Variants in CCSAP observed in about 807,000 individuals in gnomAD.
The protein encoded by CCSAP is centriole, cilia and spindle associated protein, also known as centriole, cilia and spindle-associated protein.
Under a neutral mutation model 25.9 loss-of-function variants are expected in CCSAP, and 17 were observed. The ratio of observed to expected loss-of-function variants is 0.66; its 90% CI spans 0.45 to 0.99. CCSAP has a LOEUF of 0.99. Among genes scored for constraint, CCSAP ranks in the 50% least tolerant of loss-of-function variants. CCSAP has a pLI of 0.00. For missense variants in CCSAP, 339 were observed against 367.8 expected (o/e 0.92, Z 0.64); for synonymous variants, 169 against 157.1 (o/e 1.08, Z -0.57).
intron 2 of CCSAP, among the ~76,000 whole-genome samples, chr1:229,334,474 C>T (rs966435160): frequency 6.6e-6 from 1 of 151,596 alleles, no homozygotes; most frequent in Non-Finnish European, 1.5e-5. Context: ...AAATTTATAG[C>T]CTGAAATGAA....
At chr1:229,326,628 C>T in intron 3 of CCSAP, 110 bp downstream of exon 3, 1 of 1,318,820 alleles carries the variant, frequency 7.6e-7, no homozygotes, top group South Asian at 1.4e-5. Flanking sequence ...TAAGATCTCC[C>T]ATGGGCCCAA....
intron 2 of CCSAP, among the ~76,000 whole-genome samples, chr1:229,338,785 A>C (rs1307231372): frequency 6.6e-6 from 1 of 152,160 alleles, no homozygotes; most frequent in African/African-American, 2.4e-5. Flanking sequence ...GTAAGATAAA[A>C]CCCTACATGC....
At position 229,324,722 on chromosome 1, in the gene CCSAP, G is replaced by A. The variant is rs528475149; in HGVS notation, c.*513C>T. 1 of 152,592 alleles carries A rather than the reference G, an allele frequency of 6.6e-6. No homozygotes were observed. Among genetic ancestry groups the A allele is most frequent in the South Asian group, 2.1e-4 (1 of 4,826 alleles). 9.5% of individuals were successfully genotyped at this position (152,592 alleles called of 1,614,324 possible). ...CAAAGTTCTACTTTCATTATACATG[G>A]AATCAGTAGTAGTGCTGACACTCAT... On this transcript the variant is annotated 3_prime_UTR_variant, in exon 4 of 4. Coordinates refer to ENST00000284617, the MANE Select transcript of CCSAP (RefSeq NM_145257.5).
At chr1:229,330,900 A>C (rs1658053491) in intron 2 of CCSAP, among the ~76,000 whole-genome samples, 2 of 152,144 alleles carry the variant, frequency 1.3e-5, no homozygotes, top group African/African-American at 4.8e-5. Flanking sequence ...GGTACAATAA[A>C]GATGAAGAGA....
At chr1:229,338,538 A>AGCACACACACAC (rs1658254848) in intron 2 of CCSAP, among the ~76,000 whole-genome samples, 1 of 141,820 alleles carries the variant, frequency 7.1e-6, no homozygotes, top group African/African-American at 2.6e-5. Context: ...CCCAAACCCC[A>AGCACACACACAC]ACACACACAC....
Position 229,342,012 on chromosome 1 carries a change from C to G in CCSAP, c.367+87G>C. 1 of 1,253,534 alleles carries G rather than the reference C, an allele frequency of 8.0e-7. No homozygotes were observed. Among genetic ancestry groups the G allele is most frequent in the Non-Finnish European group, 1.0e-6 (1 of 998,170 alleles). The allele number at this position is 1,253,534 out of a possible 1,614,324, so 77.7% of individuals were successfully genotyped here. Reference sequence around the variant, plus strand: ...AAAAGGAAGAGCCAGCCCCGAGTGGCGCAAGAAATAAGAGATCAGCTGCTC... The same window carrying G: ...AAAAGGAAGAGCCAGCCCCGAGTGGGGCAAGAAATAAGAGATCAGCTGCTC... On this transcript the variant is annotated intron_variant, in intron 2 of 3. Coordinates refer to ENST00000284617, the MANE Select transcript of CCSAP (RefSeq NM_145257.5). The surrounding 1 kb of genome is among the most constrained non-coding windows in gnomAD (Gnocchi z 7.5).
At chr1:229,340,561 C>A in intron 2 of CCSAP, 2 of 637,196 alleles carry the variant, frequency 3.1e-6, no homozygotes, top group South Asian at 3.8e-5. Context: ...GCTAGCAGAT[C>A]AGTACCCACA....
intron 2 of CCSAP, among the ~76,000 whole-genome samples, chr1:229,334,991 G>A (rs1489410931): frequency 1.3e-5 from 2 of 152,204 alleles, no homozygotes; most frequent in Non-Finnish European, 2.9e-5. Flanking sequence ...AGAGGGGAAA[G>A]GCCTCCAGGA....
chr1:229,332,777 G>A (rs1029189556), intron 2 of CCSAP, among the ~76,000 whole-genome samples: 1 of 152,108 alleles, frequency 6.6e-6, no homozygotes, highest in African/African-American at 2.4e-5. Context: ...ACTAGTTATC[G>A]TTCAAGTGCT....
chr1:229,325,068 A>G lies in CCSAP; in HGVS notation c.*167T>C. ...GTCTGCCCTACTGCCGAGGTAGGTG[A>G]CCAATATTCATCAAAATAAAACAAT... On this transcript the variant is annotated 3_prime_UTR_variant, in exon 4 of 4. Coordinates refer to ENST00000284617, the MANE Select transcript of CCSAP (RefSeq NM_145257.5). 1.7e-6 allele frequency: 1 copy of G among 601,822 alleles called. No individual in the cohort carries two copies. Among genetic ancestry groups the G allele is most frequent in the South Asian group, 2.5e-5 (1 of 40,654 alleles). 37.3% of individuals were successfully genotyped at this position (601,822 alleles called of 1,614,324 possible).
intron 2 of CCSAP, 96 bp from the exon 3 acceptor site, chr1:229,327,102 T>A: frequency 9.4e-7 from 1 of 1,060,434 alleles, no homozygotes; most frequent in Non-Finnish European, 1.3e-6. Context: ...CTTAAGACAG[T>A]AACATTTTCA....
chr1:229,336,655 A>G (rs1014225888), intron 2 of CCSAP, among the ~76,000 whole-genome samples: 2 of 152,198 alleles, frequency 1.3e-5, no homozygotes, highest in African/African-American at 4.8e-5. Context: ...TTACTCTTAA[A>G]TATGAGCAGA....
intron 2 of CCSAP, among the ~76,000 whole-genome samples, chr1:229,340,245 G>A (rs985813999): frequency 3.9e-5 from 6 of 152,236 alleles, no homozygotes; most frequent in Admixed American, 6.5e-5. Flanking sequence ...GGCCTTACGG[G>A]TAGGAGCAAA....
chr1:229,337,753 G>GA (rs1210807317), intron 2 of CCSAP, among the ~76,000 whole-genome samples: 66 of 132,988 alleles, frequency 5.0e-4, no homozygotes, highest in African/African-American at 6.5e-4. Context: ...GTCTCCAAGG[G>GA]AAAAAAAAAA....
chr1:229,341,209 A>AAAAAAAAAAAAAAAAG (rs1658325269), intron 2 of CCSAP, among the ~76,000 whole-genome samples: 1 of 152,042 alleles, frequency 6.6e-6, no homozygotes, highest in African/African-American at 2.4e-5. Flanking sequence ...AAAAAAAAAA[A>AAAAAAAAAAAAAAAAG]AAAGATTACA....
intron 3 of CCSAP, 71 bp from the exon 4 acceptor site, chr1:229,325,482 T>C (rs1657919328): frequency 2.1e-6 from 3 of 1,444,438 alleles, no homozygotes; most frequent in Non-Finnish European, 2.8e-6. Flanking sequence ...GAGGTTGCAA[T>C]GAAGCTGGCT....
In CCSAP at chr1:229,342,292, C is replaced by G. The variant is rs1398841793; in HGVS notation, c.174G>C (p.Ser58=). 2.6e-5 allele frequency: 36 copies of G among 1,406,530 alleles called. No individual in the cohort carries two copies. Among genetic ancestry groups the G allele is most frequent in the Non-Finnish European group, 3.1e-5 (33 of 1,079,658 alleles). The allele number at this position is 1,406,530 out of a possible 1,614,324, so 87.1% of individuals were successfully genotyped here. ...ACGACTCTGACGACGCCGAGTCCTCCGAGGAGCCGGCCGGGCCCCAGTCGT... is the reference window on the plus strand; with the variant it reads ...ACGACTCTGACGACGCCGAGTCCTCGGAGGAGCCGGCCGGGCCCCAGTCGT... ...LWDDWGPAGS[S]EDSASSESSG... is the part of the protein sequence containing the mutation. Residue 58 remains serine (S), a synonymous_variant, in exon 2 of 4, where the codon TCG becomes TCC. Coordinates refer to ENST00000284617, the MANE Select transcript of CCSAP (RefSeq NM_145257.5). The surrounding 1 kb of genome is among the most constrained non-coding windows in gnomAD (Gnocchi z 7.5).
intron 2 of CCSAP, among the ~76,000 whole-genome samples, chr1:229,341,227 C>G (rs1005963668): frequency 6.9e-6 from 1 of 145,590 alleles, no homozygotes; most frequent in East Asian, 2.1e-4. Context: ...ACAACATGGT[C>G]TCTTTTGGGA....
At chr1:229,329,207 C>T (rs1658012088) in intron 2 of CCSAP, among the ~76,000 whole-genome samples, 1 of 152,212 alleles carries the variant, frequency 6.6e-6, no homozygotes, top group Admixed American at 6.5e-5. Flanking sequence ...TTCACTTCCC[C>T]TCTCTTCCTC....
Sources: gnomAD v4.1 joint callset for allele counts (sites outside exome capture counted in the v4.1 genomes callset) on GRCh38, gnomAD v4.1.1 for gene constraint, Gnocchi (gnomAD v3.1) non-coding constraint, MANE v1.5 for transcripts, NCBI Gene and HGNC (gene_info 2026-07-23, HGNC 2026-07-21) for gene names.